FOXP2: variants seen among roughly 807,000 people sequenced by gnomAD.
FOXP2 encodes the protein forkhead box P2, also known as forkhead box protein P2.
FOXP2 carries 12 observed loss-of-function variants against 115.8 expected under a neutral mutation model. The ratio of observed to expected loss-of-function variants is 0.10; its 90% CI spans 0.07 to 0.17. FOXP2 has a LOEUF of 0.17. Ranked by LOEUF, FOXP2 falls within the 10% of genes least tolerant of loss-of-function variation. FOXP2 has a pLI of 1.00. For missense variants in FOXP2, 629 were observed against 843.5 expected, an observed-to-expected ratio of 0.75 and a Z score of 3.15; for synonymous variants, 328 against 297.7, an observed-to-expected ratio of 1.10 and a Z score of -1.05.
upstream of FOXP2, among the ~76,000 whole-genome samples, chr7:114,159,272 T>A (rs1792760426): frequency 6.6e-6 from 1 of 152,102 alleles, no homozygotes; most frequent in Non-Finnish European, 1.5e-5. Context: ...ATGAGCTAAA[T>A]GAAGCAGAGA....
chr7:114,455,108 T>G (rs1795251803), intron 2 of FOXP2, among the ~76,000 whole-genome samples: 1 of 152,304 alleles, frequency 6.6e-6, no homozygotes, highest in South Asian at 2.1e-4. Context: ...TCTCTGACCT[T>G]TCCCCTGAGT....
At chr7:114,086,667 C>G, upstream of FOXP2, 1 of 320,786 alleles carries the variant, frequency 3.1e-6, no homozygotes, top group Admixed American at 4.0e-5. Context: ...CACCCTGTCC[C>G]AGCCACCTCC....
intron 2 of FOXP2, among the ~76,000 whole-genome samples, chr7:114,449,286 T>A (rs1280980303): frequency 6.6e-6 from 1 of 152,128 alleles, no homozygotes; most frequent in African/African-American, 2.4e-5. Flanking sequence ...TTTGTGCAAG[T>A]ATTGTTTTAT....
chr7:114,273,323 C>A (rs545432222), intron 1 of FOXP2, among the ~76,000 whole-genome samples: 1 of 152,022 alleles, frequency 6.6e-6, no homozygotes, highest in South Asian at 2.1e-4. Flanking sequence ...GGATTCAATT[C>A]TTTCAAAATC....
At chr7:114,388,941 G>A (rs914517661) in intron 2 of FOXP2, among the ~76,000 whole-genome samples, 6 of 152,184 alleles carry the variant, frequency 3.9e-5, no homozygotes, top group African/African-American at 1.4e-4. Context: ...AGAAGTCTTA[G>A]AAATAAGTTA....
intron 3 of FOXP2, among the ~76,000 whole-genome samples, chr7:114,549,901 T>C (rs1800115141): frequency 6.6e-6 from 1 of 152,178 alleles, no homozygotes; most frequent in African/African-American, 2.4e-5. Flanking sequence ...AAAACTGTTA[T>C]GAAAGGTTTG....
intron 1 of FOXP2, among the ~76,000 whole-genome samples, chr7:114,088,722 G>A (rs1321558254): frequency 6.6e-6 from 1 of 152,192 alleles, no homozygotes; most frequent in Admixed American, 6.5e-5. Flanking sequence ...ATGTTGTCAA[G>A]GGGACTGTTT....
In FOXP2 at chr7:114,415,287, C is replaced by T. The variant is rs1274388058; in HGVS notation, c.-84C>T. 1 of 453,596 alleles carries T rather than the reference C, an allele frequency of 2.2e-6. No homozygotes were observed. Among genetic ancestry groups the T allele is most frequent in the South Asian group, 1.6e-5 (1 of 64,454 alleles). The allele number at this position is 453,596 out of a possible 1,614,324, so 28.1% of individuals were successfully genotyped here. ...TTCTGTGCTGGCTTTTTTGAATCTT[C>T]CTAATTTTTCATCTCTTTAACAAAC... On this transcript the variant is annotated 5_prime_UTR_variant, in exon 1 of 17. Coordinates refer to ENST00000350908, the MANE Select transcript of FOXP2 (RefSeq NM_014491.4).
upstream of FOXP2, among the ~76,000 whole-genome samples, chr7:114,161,252 T>C (rs1792821895): frequency 6.6e-6 from 1 of 152,188 alleles, no homozygotes; most frequent in Non-Finnish European, 1.5e-5. Flanking sequence ...AAACACCTAC[T>C]CTAATCCTAA....
chr7:114,244,678 A>G (rs1291655739), intron 1 of FOXP2, among the ~76,000 whole-genome samples: 1 of 152,202 alleles, frequency 6.6e-6, no homozygotes, highest in Non-Finnish European at 1.5e-5. Context: ...AAGTTGATAT[A>G]TAAGTACTGA....
At chr7:114,110,460 A>G (rs957578634) in intron 1 of FOXP2, among the ~76,000 whole-genome samples, 4 of 152,192 alleles carry the variant, frequency 2.6e-5, no homozygotes, top group African/African-American at 9.6e-5. Context: ...GTAACATGAA[A>G]AAAGGTTAAT....
intron 3 of FOXP2, among the ~76,000 whole-genome samples, 169 bp downstream of exon 3, chr7:114,534,875 A>G (rs1487627076): frequency 6.6e-6 from 1 of 151,894 alleles, no homozygotes; most frequent in African/African-American, 2.4e-5. Context: ...GAAAAAAATA[A>G]TATTCTATTG....
chr7:114,490,535 A>C (rs1796991624), intron 2 of FOXP2, among the ~76,000 whole-genome samples: 1 of 151,868 alleles, frequency 6.6e-6, no homozygotes, highest in South Asian at 2.1e-4. Context: ...TTTAAGTTTT[A>C]GGGTACATGT....
intron 3 of FOXP2, among the ~76,000 whole-genome samples, chr7:114,627,142 CTT>C (rs34572446): frequency 3.5e-5 from 5 of 144,022 alleles, no homozygotes; most frequent in African/African-American, 1.0e-4. Flanking sequence ...CCCTGGATTT[CTT>C]TTTTTTTTTT....
chr7:114,331,960 A>G (rs1349953966), intron 2 of FOXP2, among the ~76,000 whole-genome samples: 1 of 152,070 alleles, frequency 6.6e-6, no homozygotes, highest in African/African-American at 2.4e-5. Context: ...TGACATTTTC[A>G]GTAGTTGCAT....
chr7:114,435,013 C>T lies in FOXP2; in HGVS notation c.168+8334C>T, dbSNP rs540067854. Among the ~76,000 whole-genome samples, 3 of 152,272 alleles carry T rather than the reference C, an allele frequency of 2.0e-5. 1 individual carries two copies. The South Asian group carries it at 6.2e-4, about 32-fold the overall frequency. On this transcript the variant is annotated intron_variant, in intron 2 of 16. Transcript: ENST00000350908. ...TCCCACCTTATTGCAAAACTCTGCT[C>T]AATAACTGAATCAGCTCTCTCATAA...
At position 114,663,515 on chromosome 7, in the gene FOXP2, T is replaced by G; in HGVS notation, c.1835T>G (p.Leu612Trp). Residue 612 changes from leucine to tryptophan, a missense_variant, in exon 15 of 17, where the codon TTG becomes TGG. This residue lies in a region of FOXP2 where 40 missense variants were observed against 75.3 expected (regional missense o/e 0.53). Transcript: ENST00000350908. Reference protein sequence around the residue: ...LGYGAALNASLQAALAESSLP... With the variant: ...LGYGAALNASWQAALAESSLP... ...TATGGAGCAGCTCTTAATGCCAGTT[T>G]GCAGGTAATGTACTTTCCCAGTTTT... 1 of 1,611,922 alleles carries G rather than the reference T, an allele frequency of 6.2e-7. No homozygotes were observed. Among genetic ancestry groups the G allele is most frequent in the Middle Eastern group, 1.7e-4 (1 of 6,046 alleles).
intron 16 of FOXP2, among the ~76,000 whole-genome samples, chr7:114,685,992 C>G (rs1808341907): frequency 6.7e-6 from 1 of 150,004 alleles, no homozygotes; most frequent in African/African-American, 2.5e-5. Flanking sequence ...AAAAAAAAAG[C>G]CAAAATGTGA....
intron 1 of FOXP2, among the ~76,000 whole-genome samples, chr7:114,199,425 A>G (rs1473064029): frequency 6.6e-6 from 1 of 152,144 alleles, no homozygotes; most frequent in Non-Finnish European, 1.5e-5. Flanking sequence ...AAATAAATAC[A>G]TGATGGTCAA....
Sources: allele counts gnomAD v4.1 joint callset (sites outside exome capture counted in the v4.1 genomes callset), GRCh38; gene constraint gnomAD v4.1.1; regional missense constraint gnomAD v4.1.1; transcripts MANE v1.5; gene names NCBI Gene and HGNC (gene_info 2026-07-23, HGNC 2026-07-21).